The following GABRG2 variants were observed in gnomAD, a reference collection of about 807,000 sequenced individuals.
GABRG2 encodes the protein gamma-aminobutyric acid type A receptor subunit gamma2, also known as gamma-aminobutyric acid receptor subunit gamma-2.
Under a neutral mutation model 56.4 loss-of-function variants are expected in GABRG2, and 16 were observed. The observed-to-expected ratio is 0.28, with a 90% CI of 0.19 to 0.43. GABRG2 has a LOEUF of 0.43. Ranked by LOEUF, GABRG2 falls within the 20% of genes least tolerant of loss-of-function variation. The pLI is 1.00. For synonymous variants in GABRG2, 208 were observed against 205.5 expected (o/e 1.01, Z -0.10); for missense variants, 327 against 582.7 (o/e 0.56, Z 4.52).
chr5:162,099,033 C>T, intron 4 of GABRG2: 1 of 152,114 alleles, frequency 6.6e-6, no homozygotes, highest in Non-Finnish European at 1.5e-5. Flanking sequence ...ATTATTTATA[C>T]ATTTTCAATC....
In GABRG2 at chr5:162,067,895, G is replaced by A; in HGVS notation, c.-105G>A. ...CCAGTGAAGGACCTACTAGAGGCAG[G>A]TGGGGGGAGCCACCATCAGATCATA... On this transcript the variant is annotated 5_prime_UTR_variant, in exon 1 of 10. In the 5' UTR this introduces an upstream ATG that the reference lacks. Coordinates refer to ENST00000639213, the MANE Select transcript of GABRG2 (RefSeq NM_198904.4). The A allele has an allele frequency of 2.5e-6, 2 of 797,346 alleles. No individual in the cohort carries two copies. Among genetic ancestry groups the A allele is most frequent in the Middle Eastern group, 4.5e-4 (2 of 4,478 alleles). The allele number at this position is 797,346 out of a possible 1,614,324, so 49.4% of individuals were successfully genotyped here. A position where few individuals can be genotyped will look rare whatever the true frequency, so the allele number is the denominator to read the frequency against.
intron 6 of GABRG2, among the ~76,000 whole-genome samples, chr5:162,120,650 A>G (rs1372615702): frequency 6.6e-6 from 1 of 152,114 alleles, no homozygotes; most frequent in African/African-American, 2.4e-5. Flanking sequence ...GCAGTTTCTA[A>G]TCTACCTTAG....
intron 1 of GABRG2, among the ~76,000 whole-genome samples, chr5:162,070,160 AT>A (rs1758557052): frequency 6.6e-6 from 1 of 152,082 alleles, no homozygotes; most frequent in Non-Finnish European, 1.5e-5. Flanking sequence ...ATACATTTTA[AT>A]TTTCAATTTG....
At chr5:162,074,516 A>G (rs974756249) in intron 1 of GABRG2, among the ~76,000 whole-genome samples, 1 of 152,040 alleles carries the variant, frequency 6.6e-6, no homozygotes, top group Non-Finnish European at 1.5e-5. Context: ...AAATACATCT[A>G]AAGAAATTGC....
At chr5:162,134,068 A>G (rs1224708814) in intron 6 of GABRG2, among the ~76,000 whole-genome samples, 1 of 152,164 alleles carries the variant, frequency 6.6e-6, no homozygotes, top group East Asian at 1.9e-4. Context: ...ACATTCAACA[A>G]TTAGTCAGCT....
At chr5:162,124,250 A>G (rs1055767162) in intron 6 of GABRG2, among the ~76,000 whole-genome samples, 4 of 151,978 alleles carry the variant, frequency 2.6e-5, no homozygotes, top group Admixed American at 2.6e-4. Flanking sequence ...TGGCAACACC[A>G]TCTTCTTGCC....
intron 7 of GABRG2, among the ~76,000 whole-genome samples, chr5:162,146,661 A>G (rs917306319): frequency 6.6e-6 from 1 of 152,232 alleles, no homozygotes. Flanking sequence ...GTGGGATTAT[A>G]GTAGTCATTT....
intron 7 of GABRG2, chr5:162,142,689 A>C: frequency 2.9e-6 from 1 of 340,854 alleles, no homozygotes; most frequent in Non-Finnish European, 5.8e-6. Flanking sequence ...CATAGGTGGG[A>C]ATTGAACAAT....
At chr5:162,068,661 C>G (rs1167042262) in intron 1 of GABRG2, among the ~76,000 whole-genome samples, 1 of 152,044 alleles carries the variant, frequency 6.6e-6, no homozygotes, top group Non-Finnish European at 1.5e-5. Flanking sequence ...GCCAACTACC[C>G]GTGTGCAAAC....
Position 162,153,615 on chromosome 5 carries a change from T to G in GABRG2, c.*247T>G, listed in dbSNP as rs371389067. On this transcript the variant is annotated 3_prime_UTR_variant, in exon 10 of 10. Transcript: ENST00000639213. ...GCAAAGTAAAATTAGAGCAAGAACA[T>G]TCAAACCAAATAAGATATTTTTCAG... is the stretch of plus-strand genomic sequence containing the variant. The G allele has an allele frequency of 1.7e-6, 1 of 579,910 alleles. No homozygotes were observed. The highest frequency in any genetic ancestry group is 3.1e-6 in the Non-Finnish European group (1 of 325,270). 35.9% of individuals were successfully genotyped at this position (579,910 alleles called of 1,614,324 possible).
chr5:162,095,353 G>T, intron 2 of GABRG2, 142 bp from the exon 3 acceptor site: 1 of 657,784 alleles, frequency 1.5e-6, no homozygotes, highest in South Asian at 1.7e-5. Flanking sequence ...TTCAAATGTG[G>T]TGAATTAGTA....
intron 1 of GABRG2, among the ~76,000 whole-genome samples, chr5:162,082,462 G>T (rs541807087): frequency 6.6e-6 from 1 of 151,740 alleles, no homozygotes; most frequent in Admixed American, 6.6e-5. Flanking sequence ...TAAAATTGGT[G>T]TGAAGTTAGA....
intron 6 of GABRG2, among the ~76,000 whole-genome samples, chr5:162,105,911 A>G (rs573933038): frequency 1.3e-5 from 2 of 151,914 alleles, no homozygotes; most frequent in Non-Finnish European, 2.9e-5. Context: ...GTTCTGTTGT[A>G]TATTCATATT....
At chr5:162,142,937 G>A (rs1202314026) in intron 7 of GABRG2, 1 of 151,976 alleles carries the variant, frequency 6.6e-6, no homozygotes, top group Non-Finnish European at 1.5e-5. Context: ...CTATAGTTGG[G>A]TTCTCCTTAG....
intron 1 of GABRG2, among the ~76,000 whole-genome samples, chr5:162,074,864 G>A (rs1758964795): frequency 6.6e-6 from 1 of 152,060 alleles, no homozygotes; most frequent in African/African-American, 2.4e-5. Flanking sequence ...ATGCTAAGAG[G>A]TTGTAAAAGT....
In GABRG2 at chr5:162,088,787, T is replaced by C. The variant is rs190850770; in HGVS notation, c.108-5041T>C. Among the ~76,000 whole-genome samples the C allele has an allele frequency of 1.5e-4, 23 of 152,266 alleles. No individual in the cohort carries two copies. The East Asian group carries it at 4.4e-3, about 29-fold the overall frequency. ...TTATGATTGTAACAGTGCTTCTTTA[T>C]CTGTAAAACAGGAATAATTATGGGA... is the stretch of plus-strand genomic sequence containing the variant. On this transcript the variant is annotated intron_variant, in intron 1 of 9. Transcript: ENST00000639213.
chr5:162,130,082 A>G (rs189127657), intron 6 of GABRG2, among the ~76,000 whole-genome samples: 78 of 152,064 alleles, frequency 5.1e-4, no homozygotes, highest in Non-Finnish European at 4.3e-4. Context: ...AACCAACTCT[A>G]TATAGTATGG....
chr5:162,073,777 G>A (rs1221051594), intron 1 of GABRG2, among the ~76,000 whole-genome samples: 3 of 152,052 alleles, frequency 2.0e-5, no homozygotes, highest in Non-Finnish European at 2.9e-5. Flanking sequence ...CAGTTTTACA[G>A]AAACGTTTGC....
chr5:162,072,334 G>A (rs2113118645), intron 1 of GABRG2, among the ~76,000 whole-genome samples: 1 of 152,054 alleles, frequency 6.6e-6, no homozygotes, highest in East Asian at 1.9e-4. Flanking sequence ...TTAGGTACAA[G>A]TAGGCTTTAC....
Sources: gnomAD v4.1 joint callset for allele counts (sites outside exome capture counted in the v4.1 genomes callset) on GRCh38, gnomAD v4.1.1 for gene constraint, MANE v1.5 for transcripts, NCBI Gene and HGNC (gene_info 2026-07-23, HGNC 2026-07-21) for gene names.